AMER3: variants seen among roughly 807,000 people sequenced by gnomAD.
AMER3 encodes the protein family with sequence similarity 123C.
For synonymous variants in AMER3, 541 were observed against 485.5 expected, an observed-to-expected ratio of 1.11 and a Z score of -1.50; for missense variants, 1,201 against 1,139.4, an observed-to-expected ratio of 1.05 and a Z score of -0.78.
In AMER3 at chr2:130,765,013, A is replaced by G. The variant is rs1678945489; in HGVS notation, c.*355A>G. On this transcript the variant is annotated 3_prime_UTR_variant, in exon 2 of 2. Coordinates refer to ENST00000321420, the MANE Select transcript of AMER3 (RefSeq NM_152698.3). ...GCCTGGGATGTGTGTGAATCCCAAA[A>G]GACGCAATCCCAAATGCCATAGTCC... 4.6e-6 allele frequency: 1 copy of G among 215,772 alleles called. No individual in the cohort carries two copies. The highest frequency in any genetic ancestry group is 1.6e-4 in the South Asian group (1 of 6,228). The allele number at this position is 215,772 out of a possible 1,614,324, so 13.4% of individuals were successfully genotyped here.
intron 1 of AMER3, among the ~76,000 whole-genome samples, chr2:130,756,044 ACGAACAGACAAAGCCGGCTCGAGCG>A (rs1678593535): frequency 6.6e-6 from 1 of 152,000 alleles, no homozygotes; most frequent in African/African-American, 2.4e-5. Context: ...ACGGGGCGAT[ACGAACAGACAAAGCCGGCTCGAGCG>A]CGGCCCGAGC....
rs1364917819 is a variant in AMER3, at chr2:130,763,163, C to T, written c.1091C>T (p.Ala364Val). 3 of 1,613,492 alleles carry T rather than the reference C, an allele frequency of 1.9e-6. No individual in the cohort carries two copies. In the South Asian group the frequency reaches 3.3e-5, roughly 18 times the overall value. ...AGGGACCCTCGCAGCGGCTCCAAAG[C>T]CAGCTCCATCGACACAGGCACCCCC... ...PCRDPRSGSK[A>V]SSIDTGTPKS... Residue 364 changes from alanine (A) to valine (V), a missense_variant, in exon 2 of 2, where the codon GCC becomes GTC. Transcript: ENST00000321420.
Position 130,760,246 on chromosome 2 carries a change from T to C in AMER3, c.-19-1808T>C, listed in dbSNP as rs556925140. ...TCCTCCAACCAAAAGTCTGAGGTGC[T>C]TCCGAGGAAGCACTTCCCTTGGGTG... On this transcript the variant is annotated intron_variant, in intron 1 of 1. Coordinates refer to ENST00000321420, the MANE Select transcript of AMER3 (RefSeq NM_152698.3). Among the ~76,000 whole-genome samples, 194 of 152,334 alleles carry C rather than the reference T, an allele frequency of 1.3e-3. 1 individual carries two copies. Among genetic ancestry groups the C allele is most frequent in the Non-Finnish European group, 2.4e-3 (164 of 68,026 alleles).
chr2:130,766,011 T>C lies in AMER3; in HGVS notation c.*1353T>C, dbSNP rs557197652. On this transcript the variant is annotated 3_prime_UTR_variant, in exon 2 of 2. Coordinates refer to ENST00000321420, the MANE Select transcript of AMER3 (RefSeq NM_152698.3). The stretch of plus-strand genomic sequence containing the variant: ...CATCCATCCGCATCCCCTTAAACCA[T>C]TTTCAGTCTCCAAATAAAGCCCCAA... 1 of 167,124 alleles carries C rather than the reference T, an allele frequency of 6.0e-6. No homozygotes were observed. The highest frequency in any genetic ancestry group is 2.1e-4 in the South Asian group (1 of 4,824). The allele number at this position is 167,124 out of a possible 1,614,324, so 10.4% of individuals were successfully genotyped here.
intron 1 of AMER3, among the ~76,000 whole-genome samples, chr2:130,759,526 T>C (rs1678715188): frequency 6.6e-6 from 1 of 152,072 alleles, no homozygotes; most frequent in South Asian, 2.1e-4. Context: ...ATAAGGGAAA[T>C]AGAGATCTCA....
chr2:130,760,859 C>T (rs1678755831), intron 1 of AMER3, among the ~76,000 whole-genome samples: 1 of 152,146 alleles, frequency 6.6e-6, no homozygotes. Context: ...CTCCCTCCTC[C>T]TTCGCTCATT....
rs1679007114 is a variant in AMER3 at position 130,767,209 on chromosome 2, G to A, written c.*2551G>A. The A allele has an allele frequency of 6.0e-6, 1 of 167,240 alleles. No homozygotes were observed. Among genetic ancestry groups the A allele is most frequent in the Non-Finnish European group, 1.5e-5 (1 of 68,260 alleles). 10.4% of individuals were successfully genotyped at this position (167,240 alleles called of 1,614,324 possible). Reference sequence around the variant, plus strand: ...TGTCAGGCCAGCAGGTGCAGGGACAGATGGGCCATCCACATTCTCCAAGAT... The same window carrying A: ...TGTCAGGCCAGCAGGTGCAGGGACAAATGGGCCATCCACATTCTCCAAGAT... On this transcript the variant is annotated 3_prime_UTR_variant, in exon 2 of 2. Transcript: ENST00000321420.
Position 130,762,210 on chromosome 2 carries a change from G to T in AMER3, c.138G>T (p.Arg46Ser), listed in dbSNP as rs1301130291. The T allele has an allele frequency of 1.3e-6, 2 of 1,585,810 alleles. No homozygotes were observed. The highest frequency in any genetic ancestry group is 1.8e-5 in the Admixed American group (1 of 54,736). ...CAGTCCTTCCAGGAGGGCAACAGAG[G>T]CCCCACAGTGAGAAGGGCCCCCAAG... ...PWSVLPGGQQ[R>S]PHSEKGPQAS... Residue 46 changes from arginine (R) to serine (S), a missense_variant, in exon 2 of 2, where the codon AGG becomes AGT. Transcript: ENST00000321420.
At position 130,763,608 on chromosome 2, in the gene AMER3, G is replaced by A. The variant is rs1475859250; in HGVS notation, c.1536G>A (p.Leu512=). The A allele has an allele frequency of 6.3e-7, 1 of 1,590,448 alleles. No individual in the cohort carries two copies. The highest frequency in any genetic ancestry group is 2.3e-5 in the East Asian group (1 of 44,044). The change falls in exon 2 of 2, where the codon CTG becomes CTA. Residue 512 remains leucine (L), a synonymous_variant. Coordinates refer to ENST00000321420, the MANE Select transcript of AMER3 (RefSeq NM_152698.3). ...TCACCATGGGCATCGTCAGCTGGCT[G>A]CGCCGAGGCCCCACGCCCCGTGCCC... ...LAITMGIVSW[L]RRGPTPRAPP...
In AMER3 at chr2:130,764,532, G is replaced by A; in HGVS notation, c.2460G>A (p.Gln820=). ...PESLGLTLNS[Q]QEGGVSASAP... The stretch of plus-strand genomic sequence containing the variant: ...GCCTGGGCCTCACTTTGAACAGCCA[G>A]CAGGAAGGGGGGGTCTCTGCAAGTG... Residue 820 remains glutamine, a synonymous_variant, in exon 2 of 2, where the codon CAG becomes CAA. Coordinates refer to ENST00000321420, the MANE Select transcript of AMER3 (RefSeq NM_152698.3). 1 of 1,603,702 alleles carries A rather than the reference G, an allele frequency of 6.2e-7. No homozygotes were observed. Among genetic ancestry groups the A allele is most frequent in the Non-Finnish European group, 8.5e-7 (1 of 1,175,840 alleles).
In AMER3 at chr2:130,762,539, C is replaced by T. The variant is rs917664371; in HGVS notation, c.467C>T (p.Pro156Leu). The T allele has an allele frequency of 5.0e-6, 8 of 1,613,362 alleles. No individual in the cohort carries two copies. The highest frequency in any genetic ancestry group is 1.3e-5 in the African/African-American group (1 of 74,944). The change falls in exon 2 of 2, where the codon CCC becomes CTC. Residue 156 changes from proline to leucine, a missense_variant. Pro to Leu is a moderately conservative substitution (Grantham distance 98, BLOSUM62 -3). Coordinates refer to ENST00000321420, the MANE Select transcript of AMER3 (RefSeq NM_152698.3). ...IPRKRISLKR[P>L]KKCFRNLFHI... ...AGGAAGAGGATTTCCCTGAAGAGGCCCAAGAAGTGCTTTCGGAACCTATTC... is the reference window on the plus strand; with the variant it reads ...AGGAAGAGGATTTCCCTGAAGAGGCTCAAGAAGTGCTTTCGGAACCTATTC...
In AMER3 at chr2:130,764,549, C is replaced by T. The variant is rs762307478; in HGVS notation, c.2477C>T (p.Ser826Phe). 2.5e-6 allele frequency: 4 copies of T among 1,604,188 alleles called. No individual in the cohort carries two copies. The highest frequency in any genetic ancestry group is 1.7e-4 in the Middle Eastern group (1 of 6,008). The change falls in exon 2 of 2, where the codon TCT becomes TTT. Residue 826 changes from serine to phenylalanine, a missense_variant. Physicochemically the swap from Ser to Phe is radical, Grantham distance 155. Coordinates refer to ENST00000321420, the MANE Select transcript of AMER3 (RefSeq NM_152698.3). ...TLNSQQEGGV[S>F]ASAPECRCSL... Reference sequence around the variant, plus strand: ...AACAGCCAGCAGGAAGGGGGGGTCTCTGCAAGTGCCCCAGAATGCCGCTGC... The same window carrying T: ...AACAGCCAGCAGGAAGGGGGGGTCTTTGCAAGTGCCCCAGAATGCCGCTGC...
At position 130,763,206 on chromosome 2, in the gene AMER3, A is replaced by G; in HGVS notation, c.1134A>G (p.Glu378=). The part of the protein sequence containing the change: ...DTGTPKSEQP[E]SVSTSDEGYY... ...GCACCCCCAAGAGCGAGCAGCCCGA[A>G]TCCGTGTCCACAAGTGACGAGGGCT... The change falls in exon 2 of 2, where the codon GAA becomes GAG. Residue 378 remains glutamate, a synonymous_variant. Coordinates refer to ENST00000321420, the MANE Select transcript of AMER3 (RefSeq NM_152698.3). 1 of 1,613,786 alleles carries G rather than the reference A, an allele frequency of 6.2e-7. No homozygotes were observed. The highest frequency in any genetic ancestry group is 8.5e-7 in the Non-Finnish European group (1 of 1,180,010).
At position 130,764,237 on chromosome 2, in the gene AMER3, C is replaced by G; in HGVS notation, c.2165C>G (p.Ser722Cys). 6.2e-7 allele frequency: 1 copy of G among 1,610,122 alleles called. No homozygotes were observed. Among genetic ancestry groups the G allele is most frequent in the South Asian group, 1.1e-5 (1 of 90,472 alleles). ...CCTGACATGCTGGAGCAGAAACAGTCCAGCAGCTCCCCCAGCATGACCACC... is the reference window on the plus strand; with the variant it reads ...CCTGACATGCTGGAGCAGAAACAGTGCAGCAGCTCCCCCAGCATGACCACC... ...RGPDMLEQKQ[S>C]SSSPSMTTIH... Residue 722 changes from serine (S) to cysteine (C), a missense_variant, in exon 2 of 2, where the codon TCC becomes TGC. Transcript: ENST00000321420.
chr2:130,757,617 G>C (rs892346219), intron 1 of AMER3, among the ~76,000 whole-genome samples: 11 of 152,258 alleles, frequency 7.2e-5, no homozygotes, highest in Non-Finnish European at 1.3e-4. Context: ...CTTGCTCCTC[G>C]GGGCCTTTCT....
In AMER3 at chr2:130,762,697, G is replaced by A. The variant is rs771232206; in HGVS notation, c.625G>A (p.Gly209Arg). 1 of 1,611,440 alleles carries A rather than the reference G, an allele frequency of 6.2e-7. No individual in the cohort carries two copies. The highest frequency in any genetic ancestry group is 8.5e-7 in the Non-Finnish European group (1 of 1,179,796). Residue 209 changes from glycine (G) to arginine (R), a missense_variant, in exon 2 of 2, where the codon GGG becomes AGG. Coordinates refer to ENST00000321420, the MANE Select transcript of AMER3 (RefSeq NM_152698.3). ...CTTCCTCCCCCCGGGTGAGGGGCCG[G>A]GGCTGGACGGCCTGTGCCAGGACCT... ...KAFLPPGEGP[G>R]LDGLCQDLLD...
rs1041912958 is a variant in AMER3 at position 130,767,362 on chromosome 2, C to T, written c.*2704C>T. On this transcript the variant is annotated 3_prime_UTR_variant, in exon 2 of 2. Transcript: ENST00000321420. Reference sequence around the variant, plus strand: ...GGTCAGTCAGGTCGCAGGCAAAGTGCTAGGGAAATCCCATCTCATGCAGAG... The same window carrying T: ...GGTCAGTCAGGTCGCAGGCAAAGTGTTAGGGAAATCCCATCTCATGCAGAG... 1 of 167,064 alleles carries T rather than the reference C, an allele frequency of 6.0e-6. No individual in the cohort carries two copies. Among genetic ancestry groups the T allele is most frequent in the Non-Finnish European group, 1.5e-5 (1 of 68,222 alleles). 10.3% of individuals were successfully genotyped at this position (167,064 alleles called of 1,614,324 possible).
At chr2:130,759,616 C>A (rs1678717823) in intron 1 of AMER3, among the ~76,000 whole-genome samples, 1 of 152,158 alleles carries the variant, frequency 6.6e-6, no homozygotes, top group Non-Finnish European at 1.5e-5. Context: ...GTGTGAGCTA[C>A]CCTTCTTGCT....
Position 130,763,705 on chromosome 2 carries a change from G to A in AMER3, c.1633G>A (p.Gly545Arg). ...CCCTAGGGCACCCACAGAGAAGCTG[G>A]GGGGCAGGGAGGGCCTGGCCTCAGA... ...GAPRAPTEKL[G>R]GREGLASDAG... The change falls in exon 2 of 2, where the codon GGG becomes AGG. Residue 545 changes from glycine (G) to arginine (R), a missense_variant. Transcript: ENST00000321420. The A allele has an allele frequency of 6.4e-7, 1 of 1,555,890 alleles. No homozygotes were observed. The highest frequency in any genetic ancestry group is 8.7e-7 in the Non-Finnish European group (1 of 1,154,984).
Sources: allele counts gnomAD v4.1 joint callset (sites outside exome capture counted in the v4.1 genomes callset), GRCh38; gene constraint gnomAD v4.1.1; transcripts MANE v1.5; gene names NCBI Gene and HGNC (gene_info 2026-07-23, HGNC 2026-07-21).